The following TCOF1 variants were observed in gnomAD, a reference collection of about 807,000 sequenced individuals.
TCOF1 encodes treacle ribosome biogenesis factor 1.
TCOF1 carries 33 observed loss-of-function variants against 149.0 expected under a neutral mutation model. The ratio of observed to expected loss-of-function variants is 0.22; its 90% CI spans 0.17 to 0.30. The LOEUF (loss-of-function observed/expected upper bound fraction) is 0.30. Among genes scored for constraint, TCOF1 ranks in the 10% least tolerant of loss-of-function variants. The probability of loss-of-function intolerance (pLI) is 1.00; values close to 1 mark genes in which losing one functional copy is unlikely to be tolerated. For synonymous variants in TCOF1, 789 were observed against 738.8 expected (o/e 1.07, Z -1.10); for missense variants, 1,728 against 1,840.7 (o/e 0.94, Z 1.12).
At chr5:150,392,217 G>T in intron 21 of TCOF1, 41 bp downstream of exon 21, 1 of 1,602,014 alleles carries the variant, frequency 6.2e-7, no homozygotes, top group South Asian at 1.1e-5. Context: ...GCCAGGAAGA[G>T]GGTGTTGTGT....
chr5:150,372,346 G>A, intron 7 of TCOF1, 110 bp downstream of exon 7: 3 of 972,962 alleles, frequency 3.1e-6, no homozygotes, highest in Non-Finnish European at 4.6e-6. Flanking sequence ...GGAGGACTAT[G>A]GTGTGAAGTT....
chr5:150,393,716 A>T, intron 23 of TCOF1, 164 bp downstream of exon 23: 1 of 945,716 alleles, frequency 1.1e-6, no homozygotes, highest in Admixed American at 2.2e-5. Context: ...GAAGATGCTC[A>T]TCAAAGTGCA....
At chr5:150,384,581 C>G (rs1189522316) in intron 17 of TCOF1, 1 of 985,366 alleles carries the variant, frequency 1.0e-6, no homozygotes, top group Non-Finnish European at 1.2e-6. Context: ...GGACCGCTCC[C>G]CCTTTCTCTG....
intron 2 of TCOF1, among the ~76,000 whole-genome samples, chr5:150,363,340 A>G (rs1214911496): frequency 6.6e-5 from 10 of 152,214 alleles, no homozygotes; most frequent in Admixed American, 6.5e-4. Flanking sequence ...ACCATGACAG[A>G]GCAGAGTCCA....
At chr5:150,388,748 G>A (rs1487336862) in intron 18 of TCOF1, among the ~76,000 whole-genome samples, 2 of 152,126 alleles carry the variant, frequency 1.3e-5, no homozygotes, top group African/African-American at 2.4e-5. Context: ...GACCAGCCTG[G>A]GTAACATGGC....
At chr5:150,375,692 C>T (rs375889844) in intron 11 of TCOF1, 29 bp from the exon 12 acceptor site, 5 of 1,614,090 alleles carry the variant, frequency 3.1e-6, no homozygotes, top group East Asian at 2.2e-5. Flanking sequence ...CCTGGGCTCC[C>T]TCTCCCGATC....
At chr5:150,369,494 G>A in intron 5 of TCOF1, 35 bp from the exon 6 acceptor site, 2 of 1,613,240 alleles carry the variant, frequency 1.2e-6, no homozygotes, top group Non-Finnish European at 8.5e-7. Context: ...GGCTGGAAAG[G>A]GAGTCCCTCA....
intron 17 of TCOF1, 85 bp downstream of exon 17, chr5:150,379,817 A>G: frequency 1.3e-6 from 2 of 1,519,938 alleles, no homozygotes; most frequent in Non-Finnish European, 1.8e-6. Context: ...CACACCTGTA[A>G]TCCTAGCACT....
chr5:150,376,388 T>A, intron 13 of TCOF1, 35 bp from the exon 14 acceptor site: 1 of 1,614,160 alleles, frequency 6.2e-7, no homozygotes, highest in Non-Finnish European at 8.5e-7. Context: ...TCCTTTGGAC[T>A]CCTGGAGACA....
Position 150,369,426 on chromosome 5 carries a change from A to G in TCOF1, c.566-103A>G, listed in dbSNP as rs944592639. The G allele has an allele frequency of 2.9e-6, 4 of 1,384,148 alleles. No homozygotes were observed. The African/African-American group carries it at 5.7e-5, about 20-fold the overall frequency. The allele number at this position is 1,384,148 out of a possible 1,614,324, so 85.7% of individuals were successfully genotyped here. A position where few individuals can be genotyped will look rare whatever the true frequency, so the allele number is the denominator to read the frequency against. On this transcript the variant is annotated intron_variant, in intron 5 of 26. Coordinates refer to ENST00000643257, the MANE Select transcript of TCOF1 (RefSeq NM_001371623.1). Reference sequence around the variant, plus strand: ...TGAGGCACACGAGGGGTGAGCGCTCAGCACCTGGCTTTGATGAGCAGCTGG... The same window carrying G: ...TGAGGCACACGAGGGGTGAGCGCTCGGCACCTGGCTTTGATGAGCAGCTGG...
chr5:150,383,899 CCA>C (rs1242319533), intron 17 of TCOF1: 3 of 1,527,304 alleles, frequency 2.0e-6, no homozygotes, highest in Non-Finnish European at 2.6e-6. Flanking sequence ...TTCCTGTACT[CCA>C]GAGGCCCAAG....
chr5:150,368,203 C>T, intron 4 of TCOF1: 1 of 447,796 alleles, frequency 2.2e-6, no homozygotes, highest in Non-Finnish European at 4.1e-6. Context: ...CACCCGTTCA[C>T]TCAACAGATC....
intron 23 of TCOF1, among the ~76,000 whole-genome samples, chr5:150,395,704 G>T (rs1321488294): frequency 6.6e-6 from 1 of 152,106 alleles, no homozygotes; most frequent in Non-Finnish European, 1.5e-5. Flanking sequence ...CACCTTGCCT[G>T]GACCCCCTGA....
In TCOF1 at chr5:150,396,354, A is replaced by G. The variant is rs762322529; in HGVS notation, c.3857A>G (p.Gln1286Arg). ...RKPKKGAGNP[Q>R]ASTLALQSNI... ...CCCAAGAAAGGGGCTGGGAACCCCC[A>G]AGCCTCAACCCTGGCGCTGCAAAGC... is the stretch of plus-strand genomic sequence containing the variant. The change falls in exon 24 of 27, where the codon CAA (glutamine) becomes CGA (arginine). Residue 1286 changes from glutamine (Q) to arginine (R), a missense_variant. By Grantham distance (43) the Gln-to-Arg change is conservative (BLOSUM62 1). Coordinates refer to ENST00000643257, the MANE Select transcript of TCOF1 (RefSeq NM_001371623.1). The G allele has an allele frequency of 3.7e-6, 6 of 1,613,842 alleles. No homozygotes were observed. In the Admixed American group the frequency reaches 8.3e-5, roughly 22 times the overall value.
chr5:150,363,763 G>A (rs548885141), intron 2 of TCOF1, among the ~76,000 whole-genome samples: 16 of 152,300 alleles, frequency 1.1e-4, no homozygotes, highest in African/African-American at 3.9e-4. Flanking sequence ...CTTCCAAGAA[G>A]GCACAGTACA....
intron 3 of TCOF1, chr5:150,364,797 A>G (rs1396498648): frequency 7.6e-5 from 12 of 156,984 alleles, no homozygotes; most frequent in Admixed American, 7.3e-4. Context: ...ACTTTCCCCA[A>G]CAGCAGCCAT....
In TCOF1 at chr5:150,367,998, A is replaced by T; in HGVS notation, c.378+81A>T. 4 of 1,523,014 alleles carry T rather than the reference A, an allele frequency of 2.6e-6. No individual in the cohort carries two copies. The South Asian group carries it at 3.4e-5, about 13-fold the overall frequency. The allele number at this position is 1,523,014 out of a possible 1,614,324, so 94.3% of individuals were successfully genotyped here. ...GGACAGTCTTACATGTCAGAGAAGGATAGGGTTGTGAGTAATTGCCCCACC... is the reference window on the plus strand; with the variant it reads ...GGACAGTCTTACATGTCAGAGAAGGTTAGGGTTGTGAGTAATTGCCCCACC... On this transcript the variant is annotated intron_variant, in intron 4 of 26. Transcript: ENST00000643257.
At chr5:150,360,488 G>A (rs944644149) in intron 1 of TCOF1, among the ~76,000 whole-genome samples, 4 of 152,156 alleles carry the variant, frequency 2.6e-5, no homozygotes, top group Non-Finnish European at 4.4e-5. Flanking sequence ...GGCTGGCCAC[G>A]TCTTTGAAAG....
chr5:150,370,454 C>G (rs183449668), intron 6 of TCOF1, among the ~76,000 whole-genome samples: 166 of 152,336 alleles, frequency 1.1e-3, no homozygotes, highest in African/African-American at 3.8e-3. Context: ...CTCCCGGGTT[C>G]AAGCGATTGT....
Sources: gnomAD v4.1 joint callset for allele counts (sites outside exome capture counted in the v4.1 genomes callset) on GRCh38, gnomAD v4.1.1 for gene constraint, MANE v1.5 for transcripts, NCBI Gene and HGNC (gene_info 2026-07-23, HGNC 2026-07-21) for gene names.